CDKN2A: variants seen among roughly 807,000 people sequenced by gnomAD.
The protein encoded by CDKN2A is cyclin-dependent kinase inhibitor 2A.
A neutral mutation model predicts 11.1 loss-of-function variants in CDKN2A; 3 were observed. The ratio of observed to expected loss-of-function variants is 0.27; its 90% CI spans 0.12 to 0.70. CDKN2A has a LOEUF of 0.70. Ranked by LOEUF, CDKN2A falls within the 30% of genes least tolerant of loss-of-function variation. The probability of loss-of-function intolerance (pLI) is 0.77; values close to 1 mark genes in which losing one functional copy is unlikely to be tolerated. For missense variants in CDKN2A, 265 were observed against 233.6 expected (o/e 1.13, Z -0.88); for synonymous variants, 122 against 108.1 (o/e 1.13, Z -0.80).
At chr9:21,975,057 C>A (rs1819982579), upstream of CDKN2A, 5 of 1,341,902 alleles carry the variant, frequency 3.7e-6, no homozygotes, top group South Asian at 2.0e-5. Flanking sequence ...TAACTCCGAG[C>A]ACTTAGCGAA....
Position 21,992,368 on chromosome 9 carries a change from A to G in CDKN2A, c.-4+1514T>C, listed in dbSNP as rs974256042. The G allele has an allele frequency of 6.2e-6, 6 of 961,306 alleles. No homozygotes were observed. The Admixed American group carries it at 3.1e-4, about 49-fold the overall frequency. 59.5% of individuals were successfully genotyped at this position (961,306 alleles called of 1,614,324 possible). A position where few individuals can be genotyped will look rare whatever the true frequency, so the allele number is the denominator to read the frequency against. On this transcript the variant is annotated intron_variant, in intron 2 of 3. Coordinates refer to the CDKN2A transcript ENST00000494262. ...TTATATTATGTATATCATTTTACAT[A>G]TGAAATTGGAAAATTGCATATATTT... is the stretch of plus-strand genomic sequence containing the variant.
intron 2 of CDKN2A, 122 bp downstream of exon 2, chr9:21,970,780 G>T: frequency 8.1e-7 from 1 of 1,241,782 alleles, no homozygotes; most frequent in Non-Finnish European, 1.1e-6. Context: ...CCCACCGATT[G>T]GCGCGTGAGC....
At chr9:21,987,452 GA>G (rs1820329903) in intron 2 of CDKN2A, among the ~76,000 whole-genome samples, 1 of 104,000 alleles carries the variant, frequency 9.6e-6, no homozygotes, top group African/African-American at 3.2e-5. Context: ...GAGAGAGAGA[GA>G]GAGATCCATT....
chr9:21,992,628 A>G (rs1820453841), intron 2 of CDKN2A: 3 of 206,264 alleles, frequency 1.5e-5, no homozygotes, highest in African/African-American at 7.1e-5. Flanking sequence ...TAAAAAATAC[A>G]TAATTATGGC....
rs2131112527 is a variant in CDKN2A at position 21,974,718 on chromosome 9, A to C, written c.110T>G (p.Leu37Arg). 2.5e-6 allele frequency: 4 copies of C among 1,610,838 alleles called. No homozygotes were observed. The highest frequency in any genetic ancestry group is 2.5e-6 in the Non-Finnish European group (3 of 1,179,568). The change falls in exon 1 of 3, where the codon CTG becomes CGG. Residue 37 changes from leucine (L) to arginine (R), a missense_variant. Leu to Arg is a moderately radical substitution (Grantham distance 102). Coordinates refer to ENST00000304494, the MANE Select transcript of CDKN2A (RefSeq NM_000077.5). The surrounding 1 kb of genome is among the most constrained non-coding windows in gnomAD (Gnocchi z 5.2). Reference sequence around the variant, plus strand: ...ACCGTAACTATTCGGTGCGTTGGGCAGCGCCCCCGCCTCCAGCAGCGCCCG... The same window carrying C: ...ACCGTAACTATTCGGTGCGTTGGGCCGCGCCCCCGCCTCCAGCAGCGCCCG... Reference protein sequence around the residue: ...EVRALLEAGALPNAPNSYGRR... With the variant: ...EVRALLEAGARPNAPNSYGRR...
intron 2 of CDKN2A, among the ~76,000 whole-genome samples, chr9:21,993,299 T>C (rs905351129): frequency 1.3e-5 from 2 of 152,254 alleles, no homozygotes; most frequent in South Asian, 4.1e-4. Context: ...TTACACTGGC[T>C]GTGTCAACAT....
chr9:21,967,896 G>T lies in CDKN2A; in HGVS notation c.*333C>A, dbSNP rs1348508254. On this transcript the variant is annotated 3_prime_UTR_variant, in exon 3 of 3. Transcript: ENST00000304494. ...GTCATGAAGTCGACAGCTTCCGGAG[G>T]CTGCGAGGCTCGCAAGAAATGCCCA... 4 of 365,852 alleles carry T rather than the reference G, an allele frequency of 1.1e-5. No homozygotes were observed. Among genetic ancestry groups the T allele is most frequent in the African/African-American group, 4.1e-5 (2 of 49,020 alleles). The allele number at this position is 365,852 out of a possible 1,614,324, so 22.7% of individuals were successfully genotyped here.
rs1223847000 is a variant in CDKN2A at position 21,991,375 on chromosome 9, C to G, written c.-4+2507G>C. ...GTGTCCCAAGACAATTCTTCTTCTT[C>G]CTATGTGGCCCAGGGAAGGTAAAAG... On this transcript the variant is annotated intron_variant, in intron 2 of 3. Transcript: ENST00000494262. This position sits in a 1 kb window ranked among gnomAD's most constrained non-coding sequence, Gnocchi z 5.2. Among the ~76,000 whole-genome samples, 1 of 151,268 alleles carries G rather than the reference C, an allele frequency of 6.6e-6. No homozygotes were observed. The highest frequency in any genetic ancestry group is 1.5e-5 in the Non-Finnish European group (1 of 67,916).
intron 2 of CDKN2A, among the ~76,000 whole-genome samples, chr9:21,990,854 T>C (rs573043317): frequency 2.6e-4 from 39 of 152,236 alleles, no homozygotes; most frequent in Non-Finnish European, 4.7e-4. Flanking sequence ...TCAGAACCTT[T>C]CTTTCCTTAG....
intron 2 of CDKN2A, among the ~76,000 whole-genome samples, chr9:21,980,024 C>T (rs2131123881): frequency 6.6e-6 from 1 of 152,186 alleles, no homozygotes; most frequent in Non-Finnish European, 1.5e-5. Flanking sequence ...GTAGGATTGG[C>T]AATATGCACG....
At chr9:21,973,899 T>C (rs1259595480) in intron 1 of CDKN2A, among the ~76,000 whole-genome samples, 1 of 152,138 alleles carries the variant, frequency 6.6e-6, no homozygotes, top group African/African-American at 2.4e-5. Flanking sequence ...TTTCTCTCTT[T>C]CTTTCTTTCG....
At position 21,968,324 on chromosome 9, in the gene CDKN2A, C is replaced by T. The variant is rs1234635842; in HGVS notation, c.458-82G>A. On this transcript the variant is annotated intron_variant, in intron 2 of 2. Coordinates refer to ENST00000304494, the MANE Select transcript of CDKN2A (RefSeq NM_000077.5). The surrounding 1 kb of genome is among the most constrained non-coding windows in gnomAD (Gnocchi z 4.7). ...ACATCCCGCCCTCCTCTCTTGCCGT[C>T]CCTACCGGCATTGAAATACTTATGG... 1.3e-6 allele frequency: 2 copies of T among 1,549,364 alleles called. No individual in the cohort carries two copies. Among genetic ancestry groups the T allele is most frequent in the Non-Finnish European group, 1.8e-6 (2 of 1,123,458 alleles).
upstream of CDKN2A, among the ~76,000 whole-genome samples, chr9:21,978,765 G>A (rs539814162): frequency 5.3e-4 from 81 of 152,234 alleles, no homozygotes; most frequent in African/African-American, 1.9e-3. Flanking sequence ...GAAACTAAGG[G>A]CAGACATGGG....
chr9:21,970,086 T>A (rs1209879697), intron 2 of CDKN2A, among the ~76,000 whole-genome samples: 4 of 151,990 alleles, frequency 2.6e-5, no homozygotes, highest in African/African-American at 7.2e-5. Context: ...CAAAAAAAAA[T>A]GTTCCTCCCC....
At chr9:21,977,110 A>C (rs1055014127), upstream of CDKN2A, among the ~76,000 whole-genome samples, 3 of 152,316 alleles carry the variant, frequency 2.0e-5, no homozygotes, top group East Asian at 5.8e-4. Flanking sequence ...GCCAATGAAA[A>C]CAATTTGGGA....
chr9:21,975,192 C>T, upstream of CDKN2A: 1 of 1,104,462 alleles, frequency 9.1e-7, no homozygotes, highest in Non-Finnish European at 1.1e-6. Context: ...CCCCCCACAC[C>T]GCCCTCCGGC....
Position 21,971,206 on chromosome 9 carries a change from G to T in CDKN2A, c.153C>A (p.Val51=), listed in dbSNP as rs2131096751. Residue 51 remains valine, a splice_region_variant and synonymous_variant, in exon 2 of 3, where the codon GTC becomes GTA. Coordinates refer to ENST00000304494, the MANE Select transcript of CDKN2A (RefSeq NM_000077.5). ...CCACTCGGGCGCTGCCCATCATCAT[G>T]ACCTGCCAGAGAGAACAGAATGGTC... ...PNSYGRRPIQ[V]MMMGSARVAE... 2 of 1,597,554 alleles carry T rather than the reference G, an allele frequency of 1.3e-6. No individual in the cohort carries two copies. The highest frequency in any genetic ancestry group is 1.7e-6 in the Non-Finnish European group (2 of 1,179,074).
chr9:21,980,216 C>G (rs1489087976), intron 2 of CDKN2A, among the ~76,000 whole-genome samples: 1 of 152,086 alleles, frequency 6.6e-6, no homozygotes, highest in Non-Finnish European at 1.5e-5. Context: ...CTCTCTTGTT[C>G]TATTGTTTAC....
chr9:21,977,057 T>C (rs935725613), upstream of CDKN2A, among the ~76,000 whole-genome samples: 1 of 152,204 alleles, frequency 6.6e-6, no homozygotes, highest in Admixed American at 6.5e-5. Context: ...TCTTGTACTT[T>C]TAGTGTCTGC....
Sources: gnomAD v4.1 joint callset for allele counts (sites outside exome capture counted in the v4.1 genomes callset) on GRCh38, gnomAD v4.1.1 for gene constraint, Gnocchi (gnomAD v3.1) non-coding constraint, MANE v1.5 for transcripts, NCBI Gene and HGNC (gene_info 2026-07-23, HGNC 2026-07-21) for gene names.